The following SCAPER variants were observed in gnomAD, a reference collection of about 807,000 sequenced individuals.
SCAPER encodes S-phase cyclin A associated protein in the ER.
Under a neutral mutation model 182.2 loss-of-function variants are expected in SCAPER, and 98 were observed. The observed-to-expected ratio is 0.54, with a 90% CI of 0.46 to 0.64. SCAPER has a LOEUF of 0.64. SCAPER is among the 30% of genes least tolerant of loss of function. The pLI is 0.00. For synonymous variants in SCAPER, 605 were observed against 564.6 expected (o/e 1.07, Z -1.01); for missense variants, 1,432 against 1,690.0 (o/e 0.85, Z 2.68).
At chr15:76,708,587 C>T (rs1172999823) in intron 17 of SCAPER, among the ~76,000 whole-genome samples, 1 of 151,762 alleles carries the variant, frequency 6.6e-6, no homozygotes, top group Non-Finnish European at 1.5e-5. Context: ...GCTAATCAAA[C>T]CCAAAGTAAG....
chr15:76,605,185 G>T (rs963737522), intron 22 of SCAPER, among the ~76,000 whole-genome samples: 2 of 152,154 alleles, frequency 1.3e-5, no homozygotes, highest in East Asian at 1.9e-4. Context: ...TTATTATTTT[G>T]AGATACGACC....
chr15:76,673,123 A>C (rs1355917392), intron 20 of SCAPER, among the ~76,000 whole-genome samples: 1 of 152,170 alleles, frequency 6.6e-6, no homozygotes, highest in African/African-American at 2.4e-5. Context: ...ATTAACTTTC[A>C]AGCAAGAAAA....
At chr15:76,769,202 G>A (rs1257720039) in intron 10 of SCAPER, among the ~76,000 whole-genome samples, 1 of 151,998 alleles carries the variant, frequency 6.6e-6, no homozygotes, top group Non-Finnish European at 1.5e-5. Context: ...CAGCACTTTG[G>A]GAGGCCGAGG....
At chr15:76,896,708 C>G (rs756418823) in intron 1 of SCAPER, among the ~76,000 whole-genome samples, 6 of 151,984 alleles carry the variant, frequency 3.9e-5, no homozygotes, top group African/African-American at 1.4e-4. Context: ...CGCCTTGAGT[C>G]TCAAACAAGA....
intron 15 of SCAPER, among the ~76,000 whole-genome samples, chr15:76,737,310 CT>C (rs1480910417): frequency 1.1e-4 from 16 of 152,246 alleles, no homozygotes; most frequent in African/African-American, 3.6e-4. Context: ...TATTCATCTC[CT>C]TGTGCTCTCT....
chr15:76,521,579 T>G (rs2461870), intron 23 of SCAPER, among the ~76,000 whole-genome samples: 57,078 of 151,728 alleles, frequency 0.38, 10,984 homozygotes, highest in East Asian at 0.58. Flanking sequence ...ATGTTACAAT[T>G]AAGTATCACA....
intron 24 of SCAPER, among the ~76,000 whole-genome samples, chr15:76,484,901 T>C (rs1486528879): frequency 8.1e-6 from 1 of 123,862 alleles, no homozygotes; most frequent in Non-Finnish European, 2.0e-5. Context: ...TGAAGAAACA[T>C]ACCCCAAAAT....
At chr15:76,350,323 TTTC>T (rs2040451129) in intron 31 of SCAPER, 1 of 152,050 alleles carries the variant, frequency 6.6e-6, no homozygotes, top group Admixed American at 6.6e-5. Context: ...TTAGTTATAT[TTTC>T]TTCTGTGCAC....
At chr15:76,523,688 G>C (rs114533566) in intron 23 of SCAPER, among the ~76,000 whole-genome samples, 1 of 151,870 alleles carries the variant, frequency 6.6e-6, no homozygotes, top group Non-Finnish European at 1.5e-5. Context: ...ACAATCAGAG[G>C]GCTCAGAGAG....
chr15:76,527,835 A>T (rs1300859868), intron 23 of SCAPER, among the ~76,000 whole-genome samples: 1 of 151,986 alleles, frequency 6.6e-6, no homozygotes, highest in African/African-American at 2.4e-5. Context: ...AAATTTTTTT[A>T]TTTTTATTTT....
intron 16 of SCAPER, among the ~76,000 whole-genome samples, chr15:76,730,517 C>A (rs1422278862): frequency 6.6e-6 from 1 of 151,510 alleles, no homozygotes; most frequent in Non-Finnish European, 1.5e-5. Flanking sequence ...CAAAAAAAAT[C>A]AAAAACTCTT....
chr15:76,738,603 A>G (rs2061395128), intron 15 of SCAPER, among the ~76,000 whole-genome samples: 1 of 152,114 alleles, frequency 6.6e-6, no homozygotes, highest in Non-Finnish European at 1.5e-5. Flanking sequence ...AATTAGCCTA[A>G]TATCAATGCT....
intron 1 of SCAPER, among the ~76,000 whole-genome samples, chr15:76,888,154 CA>C (rs1568412184): frequency 6.6e-6 from 1 of 152,226 alleles, no homozygotes; most frequent in South Asian, 2.1e-4. Context: ...AGGACATCCA[CA>C]CCAAAACCTC....
intron 29 of SCAPER, among the ~76,000 whole-genome samples, chr15:76,369,563 C>G (rs1376530347): frequency 2.0e-5 from 3 of 152,112 alleles, no homozygotes; most frequent in Admixed American, 6.6e-5. Flanking sequence ...CTCCCAGAGC[C>G]CTTCTAGGAT....
At chr15:76,476,823 T>G (rs527953582) in intron 24 of SCAPER, among the ~76,000 whole-genome samples, 1 of 152,254 alleles carries the variant, frequency 6.6e-6, no homozygotes, top group South Asian at 2.1e-4. Flanking sequence ...TGAGAAATAC[T>G]GCATAGTCTT....
intron 23 of SCAPER, among the ~76,000 whole-genome samples, chr15:76,515,985 G>A (rs1301790103): frequency 6.6e-6 from 1 of 152,102 alleles, no homozygotes; most frequent in African/African-American, 2.4e-5. Flanking sequence ...AACGTTACTG[G>A]TCCTTGTCTG....
intron 2 of SCAPER, among the ~76,000 whole-genome samples, chr15:76,882,274 C>T (rs1568400602): frequency 6.6e-6 from 1 of 152,020 alleles, no homozygotes; most frequent in Admixed American, 6.6e-5. Flanking sequence ...ACCTATAGTT[C>T]CAAGCTACTT....
intron 23 of SCAPER, among the ~76,000 whole-genome samples, chr15:76,559,753 T>A (rs1475376759): frequency 2.0e-5 from 3 of 152,098 alleles, no homozygotes; most frequent in Non-Finnish European, 2.9e-5. Flanking sequence ...TGGACCTTGG[T>A]AGGAGGTTGA....
chr15:76,638,010 G>C (rs2053787236), intron 21 of SCAPER, among the ~76,000 whole-genome samples: 1 of 151,770 alleles, frequency 6.6e-6, no homozygotes, highest in African/African-American at 2.4e-5. Context: ...TTTTATTACT[G>C]AGCTGCAAGA....
Sources: allele counts gnomAD v4.1 joint callset (sites outside exome capture counted in the v4.1 genomes callset), GRCh38; gene constraint gnomAD v4.1.1; transcripts MANE v1.5; gene names NCBI Gene and HGNC (gene_info 2026-07-23, HGNC 2026-07-21).